Variants in DGKI observed in about 807,000 individuals in gnomAD.
DGKI encodes the protein DAG kinase iota.
In DGKI, 55 loss-of-function variants were observed where a neutral mutation model predicts 147.5. The observed-to-expected ratio is 0.37, with a 90% CI of 0.30 to 0.47. The LOEUF (loss-of-function observed/expected upper bound fraction) is 0.47. Ranked by LOEUF, DGKI falls within the 20% of genes least tolerant of loss-of-function variation. The probability of loss-of-function intolerance (pLI) is 1.00; values close to 1 mark genes in which losing one functional copy is unlikely to be tolerated. For missense variants in DGKI, 1,007 were observed against 1,323.8 expected, an observed-to-expected ratio of 0.76 and a Z score of 3.71; for synonymous variants, 469 against 477.1, an observed-to-expected ratio of 0.98 and a Z score of 0.22.
intron 23 of DGKI, 122 bp from the exon 24 acceptor site, chr7:137,469,741 T>G: frequency 1.4e-6 from 1 of 732,278 alleles, no homozygotes; most frequent in Middle Eastern, 2.5e-4. Flanking sequence ...TCACATTTTT[T>G]TTTCTCTAGG....
At chr7:137,569,945 C>G (rs1433238672) in intron 19 of DGKI, among the ~76,000 whole-genome samples, 2 of 151,778 alleles carry the variant, frequency 1.3e-5, no homozygotes, top group Non-Finnish European at 2.9e-5. Context: ...CTATTTTATT[C>G]TAGAGATGAG....
chr7:137,724,244 G>A (rs996459050), intron 1 of DGKI, among the ~76,000 whole-genome samples: 5 of 152,160 alleles, frequency 3.3e-5, no homozygotes, highest in African/African-American at 1.2e-4. Flanking sequence ...GGCTGGAGAG[G>A]CATCTGGGGC....
At chr7:137,579,417 T>C (rs1445139822) in intron 15 of DGKI, among the ~76,000 whole-genome samples, 1 of 73,088 alleles carries the variant, frequency 1.4e-5, no homozygotes, top group African/African-American at 7.1e-5. Flanking sequence ...AGGGGGAAAA[T>C]ACAAATGAAC....
chr7:137,602,327 G>A (rs1026801554), intron 10 of DGKI, among the ~76,000 whole-genome samples: 7 of 152,144 alleles, frequency 4.6e-5, no homozygotes, highest in African/African-American at 1.7e-4. Context: ...AGCATTGAGA[G>A]GTTGTTTTCC....
intron 21 of DGKI, among the ~76,000 whole-genome samples, chr7:137,517,387 G>A (rs1816816078): frequency 1.3e-5 from 2 of 148,932 alleles, no homozygotes; most frequent in East Asian, 2.0e-4. Flanking sequence ...GAGGGCGGGA[G>A]GGAGGGAGAA....
chr7:137,538,419 T>C (rs1424002129), intron 20 of DGKI, among the ~76,000 whole-genome samples: 1 of 152,226 alleles, frequency 6.6e-6, no homozygotes, highest in Admixed American at 6.5e-5. Flanking sequence ...TGGTCAAATA[T>C]GACAATTCAT....
chr7:137,423,276 G>A (rs1398549659), intron 28 of DGKI, among the ~76,000 whole-genome samples: 1 of 152,214 alleles, frequency 6.6e-6, no homozygotes, highest in African/African-American at 2.4e-5. Context: ...GAGAAGCACA[G>A]AGAAAGCTTC....
chr7:137,425,680 T>C (rs958555274), intron 28 of DGKI, among the ~76,000 whole-genome samples: 4 of 152,132 alleles, frequency 2.6e-5, no homozygotes, highest in Non-Finnish European at 4.4e-5. Context: ...ATAACTAGAA[T>C]AACCAATACA....
intron 1 of DGKI, among the ~76,000 whole-genome samples, chr7:137,691,003 C>T (rs1346208612): frequency 6.6e-6 from 1 of 152,128 alleles, no homozygotes; most frequent in Non-Finnish European, 1.5e-5. Flanking sequence ...AAGTCACTCC[C>T]TAGAAGGGAG....
At chr7:137,588,182 A>G (rs538539415) in intron 12 of DGKI, among the ~76,000 whole-genome samples, 1 of 152,336 alleles carries the variant, frequency 6.6e-6, no homozygotes, top group African/African-American at 2.4e-5. Flanking sequence ...TAGAAAAATT[A>G]TTTTGATACG....
chr7:137,394,942 GGGTATGT>G (rs1337455141), intron 32 of DGKI, among the ~76,000 whole-genome samples: 9 of 152,148 alleles, frequency 5.9e-5, no homozygotes, highest in Non-Finnish European at 1.2e-4. Context: ...ACTGGTCCAA[GGGTATGT>G]GTAACTTTCT....
At chr7:137,678,170 TG>T (rs1420480660) in intron 3 of DGKI, among the ~76,000 whole-genome samples, 3 of 152,194 alleles carry the variant, frequency 2.0e-5, no homozygotes, top group Non-Finnish European at 2.9e-5. Context: ...GCCCCCACTG[TG>T]GCCACTTCCC....
chr7:137,558,479 T>C (rs1818302706), intron 19 of DGKI, among the ~76,000 whole-genome samples: 1 of 152,234 alleles, frequency 6.6e-6, no homozygotes, highest in African/African-American at 2.4e-5. Flanking sequence ...GGTTTCGCCA[T>C]GTTGGCCAGG....
intron 29 of DGKI, 53 bp downstream of exon 29, chr7:137,412,111 ATGATGT>A: frequency 6.9e-7 from 1 of 1,452,986 alleles, no homozygotes. Flanking sequence ...TTGATGAGGA[ATGATGT>A]TGATTTAAAG....
chr7:137,463,694 G>A, intron 26 of DGKI, 83 bp from the exon 27 acceptor site: 4 of 1,525,198 alleles, frequency 2.6e-6, no homozygotes, highest in Non-Finnish European at 2.7e-6. Context: ...GATGAATCTT[G>A]CCAGTAAATG....
intron 1 of DGKI, among the ~76,000 whole-genome samples, chr7:137,777,551 T>C (rs1403171965): frequency 6.6e-6 from 1 of 152,264 alleles, no homozygotes; most frequent in African/African-American, 2.4e-5. Context: ...CAAGAGCTGC[T>C]TAATTTTTGA....
At chr7:137,734,039 G>A (rs1426947319) in intron 1 of DGKI, among the ~76,000 whole-genome samples, 3 of 152,056 alleles carry the variant, frequency 2.0e-5, no homozygotes, top group Non-Finnish European at 4.4e-5. Flanking sequence ...TTAATGCACT[G>A]CCATCTACTC....
At chr7:137,666,740 C>T (rs539486763) in intron 3 of DGKI, among the ~76,000 whole-genome samples, 27 of 152,202 alleles carry the variant, frequency 1.8e-4, no homozygotes, top group Non-Finnish European at 3.4e-4. Context: ...CTCAGGTATT[C>T]CTTCTGCCTC....
At chr7:137,635,549 G>A (rs1030827517) in intron 6 of DGKI, among the ~76,000 whole-genome samples, 20 of 152,190 alleles carry the variant, frequency 1.3e-4, no homozygotes, top group African/African-American at 4.8e-4. Flanking sequence ...CATTGTGTCA[G>A]ACCAGGGAAA....
Sources: allele counts gnomAD v4.1 joint callset (sites outside exome capture counted in the v4.1 genomes callset), GRCh38; gene constraint gnomAD v4.1.1; transcripts MANE v1.5; gene names NCBI Gene and HGNC (gene_info 2026-07-23, HGNC 2026-07-21).